SEMA4B: variants seen among roughly 807,000 people sequenced by gnomAD.
The protein encoded by SEMA4B is semaphorin-4B.
Under a neutral mutation model 88.1 loss-of-function variants are expected in SEMA4B, and 55 were observed. The observed-to-expected ratio is 0.62, with a 90% confidence interval of 0.50 to 0.78. The LOEUF (loss-of-function observed/expected upper bound fraction) is 0.78, where lower values mean the gene tolerates loss of function less well. Among genes scored for constraint, SEMA4B ranks in the 30% least tolerant of loss-of-function variants. The probability of loss-of-function intolerance (pLI) is 0.00; values close to 1 mark genes in which losing one functional copy is unlikely to be tolerated. For missense variants in SEMA4B, 1,062 were observed against 1,111.9 expected (o/e 0.96, Z 0.64); for synonymous variants, 525 against 473.6 (o/e 1.11, Z -1.41).
At chr15:90,208,125 G>A (rs189191244) in intron 1 of SEMA4B, among the ~76,000 whole-genome samples, 19 of 152,048 alleles carry the variant, frequency 1.2e-4, no homozygotes, top group Admixed American at 2.6e-4. Flanking sequence ...ATGGTGGCAG[G>A]CACCTGTAAT....
chr15:90,221,553 C>T (rs1291763796), intron 6 of SEMA4B, 61 bp from the exon 7 acceptor site: 2 of 1,607,972 alleles, frequency 1.2e-6, no homozygotes, highest in Non-Finnish European at 1.7e-6. Flanking sequence ...CACTTTCCCC[C>T]AGCTTGGCCT....
At chr15:90,199,410 G>A (rs1355087359), upstream of SEMA4B, among the ~76,000 whole-genome samples, 1 of 152,146 alleles carries the variant, frequency 6.6e-6, no homozygotes, top group African/African-American at 2.4e-5. Context: ...TTTAAAGATG[G>A]AATTGCCATT....
chr15:90,224,024 G>A lies in SEMA4B; in HGVS notation c.1194+36G>A, dbSNP rs762107466. On this transcript the variant is annotated intron_variant, in intron 9 of 13. Coordinates refer to ENST00000411539, the MANE Select transcript of SEMA4B (RefSeq NM_198925.4). ...GCTCCCTGCACCCAGAAGGGGTGCC[G>A]GGAAGATGTGGGTCCCCACACCATG... 6.1e-5 allele frequency: 96 copies of A among 1,580,184 alleles called. No homozygotes were observed. In the Middle Eastern group the frequency reaches 8.5e-4, roughly 14 times the overall value.
intron 1 of SEMA4B, chr15:90,215,046 T>C (rs1305154039): frequency 4.9e-6 from 6 of 1,233,804 alleles, no homozygotes; most frequent in Non-Finnish European, 6.3e-6. Context: ...TGAGACTGTT[T>C]GTGTGGTCAT....
chr15:90,217,991 A>G (rs1961619627), intron 3 of SEMA4B, 162 bp downstream of exon 3: 2 of 608,584 alleles, frequency 3.3e-6, no homozygotes, highest in Non-Finnish European at 5.8e-6. Context: ...CCAGCACTAC[A>G]CTTACATCGC....
In SEMA4B at chr15:90,212,058, C is replaced by T. The variant is rs1180520297; in HGVS notation, c.158-5381C>T. Among the ~76,000 whole-genome samples the T allele has an allele frequency of 6.6e-6, 1 of 152,016 alleles. No homozygotes were observed. The highest frequency in any genetic ancestry group is 1.5e-5 in the Non-Finnish European group (1 of 67,984). On this transcript the variant is annotated intron_variant, in intron 1 of 13. Transcript: ENST00000411539. The surrounding 1 kb of genome is among the most constrained non-coding windows in gnomAD (Gnocchi z 4.0). ...TATTCCTGTCTCACCCCAGAGAGCT[C>T]CAGGCTTCCGGCTGAGTCACAGGGA...
chr15:90,210,871 A>G (rs1961234247), intron 1 of SEMA4B, among the ~76,000 whole-genome samples: 1 of 152,090 alleles, frequency 6.6e-6, no homozygotes, highest in East Asian at 1.9e-4. Context: ...AGAGGCAGAG[A>G]TGGCATGGGG....
chr15:90,186,857 C>T (rs1241723682), intron 1 of SEMA4B, among the ~76,000 whole-genome samples: 2 of 151,986 alleles, frequency 1.3e-5, no homozygotes, highest in African/African-American at 2.4e-5. Flanking sequence ...GGTGTGAACC[C>T]GCGAGGCGGA....
intron 1 of SEMA4B, among the ~76,000 whole-genome samples, chr15:90,187,256 ACT>A (rs1314516905): frequency 6.6e-6 from 1 of 152,214 alleles, no homozygotes; most frequent in Non-Finnish European, 1.5e-5. Context: ...GGGAAATGGG[ACT>A]CTAGTCCTGC....
At position 90,213,072 on chromosome 15, in the gene SEMA4B, C is replaced by T. The variant is rs543250853; in HGVS notation, c.158-4367C>T. Among the ~76,000 whole-genome samples the T allele has an allele frequency of 2.6e-3, 391 of 152,300 alleles. 3 individuals are homozygous for T. Among genetic ancestry groups the T allele is most frequent in the Non-Finnish European group, 2.2e-3 (151 of 68,026 alleles). ...ATGCCACACTGCAAACCATGTGCAA[C>T]GTTGTTTTAGCAAAGCTGTCTCAGT... On this transcript the variant is annotated intron_variant, in intron 1 of 13. Coordinates refer to ENST00000411539, the MANE Select transcript of SEMA4B (RefSeq NM_198925.4).
At position 90,228,620 on chromosome 15, in the gene SEMA4B, G is replaced by A; in HGVS notation, c.2491G>A (p.Glu831Lys). 6.2e-7 allele frequency: 1 copy of A among 1,613,376 alleles called. No homozygotes were observed. Among genetic ancestry groups the A allele is most frequent in the Non-Finnish European group, 8.5e-7 (1 of 1,179,876 alleles). Reference sequence around the variant, plus strand: ...CCGGCCCCGGGTCCGCCTTGGCTCGGAGATCCGTGACTCTGTGGTGTGAGA... The same window carrying A: ...CCGGCCCCGGGTCCGCCTTGGCTCGAAGATCCGTGACTCTGTGGTGTGAGA... The part of the protein sequence containing the change: ...CPRPRVRLGS[E>K]IRDSVV Residue 831 changes from glutamate to lysine, a missense_variant, in exon 14 of 14, where the codon GAG becomes AAG. Coordinates refer to ENST00000411539, the MANE Select transcript of SEMA4B (RefSeq NM_198925.4).
At chr15:90,226,299 T>A (rs1962169479) in intron 12 of SEMA4B, among the ~76,000 whole-genome samples, 2 of 152,244 alleles carry the variant, frequency 1.3e-5, no homozygotes, top group Non-Finnish European at 2.9e-5. Flanking sequence ...CAGGTTTTAC[T>A]ACATATGTGT....
chr15:90,224,977 A>G lies in SEMA4B; in HGVS notation c.1204A>G (p.Asn402Asp). The change falls in exon 10 of 14, where the codon AAC becomes GAC. Residue 402 changes from asparagine to aspartate, a missense_variant. Transcript: ENST00000411539. ...CTGCTTTCTCCTCCAGTGCATCACC[A>G]ACAGTGCCCGGGAAAGGAAGATCAA... is the stretch of plus-strand genomic sequence containing the variant. ...PTPRPGACIT[N>D]SARERKINSS... is the part of the protein sequence containing the mutation. The G allele has an allele frequency of 6.2e-7, 1 of 1,613,846 alleles. No individual in the cohort carries two copies. The highest frequency in any genetic ancestry group is 1.3e-5 in the African/African-American group (1 of 75,010).
At position 90,212,267 on chromosome 15, in the gene SEMA4B, C is replaced by G. The variant is rs1443457864; in HGVS notation, c.158-5172C>G. Reference sequence around the variant, plus strand: ...GGGACAGGGCAGCCCCAGACCAGCCCCGGTCTGCCTTTTTGAAGGATGATC... The same window carrying G: ...GGGACAGGGCAGCCCCAGACCAGCCGCGGTCTGCCTTTTTGAAGGATGATC... On this transcript the variant is annotated intron_variant, in intron 1 of 13. Coordinates refer to ENST00000411539, the MANE Select transcript of SEMA4B (RefSeq NM_198925.4). The surrounding 1 kb of genome is among the most constrained non-coding windows in gnomAD (Gnocchi z 4.0). 6.6e-6 allele frequency among the ~76,000 whole-genome samples: 1 copy of G among 152,148 alleles called. No individual in the cohort carries two copies. Among genetic ancestry groups the G allele is most frequent in the Admixed American group, 6.5e-5 (1 of 15,278 alleles).
In SEMA4B at chr15:90,201,649, C is replaced by A; in HGVS notation, c.71C>A (p.Pro24Gln). 6.6e-7 allele frequency: 1 copy of A among 1,517,434 alleles called. No homozygotes were observed. Among genetic ancestry groups the A allele is most frequent in the South Asian group, 1.2e-5 (1 of 82,410 alleles). 94.0% of individuals were successfully genotyped at this position (1,517,434 alleles called of 1,614,324 possible). Residue 24 changes from proline (P) to glutamine (Q), a missense_variant, in exon 1 of 14, where the codon CCG becomes CAG. By Grantham distance (76) the Pro-to-Gln change is moderately conservative (BLOSUM62 -1). Coordinates refer to ENST00000411539, the MANE Select transcript of SEMA4B (RefSeq NM_198925.4). ...TGGGGCGCGCTGCCGCCTCGGCCAC[C>A]GCTGCTGCTGCTCCTGCTGCTGCTG... ...APWGALPPRPPLLLLLLLLLL... is the reference protein window; with the variant it reads ...APWGALPPRPQLLLLLLLLLL...
In SEMA4B at chr15:90,201,748, G is replaced by C. The variant is rs1323922426; in HGVS notation, c.157+13G>C. On this transcript the variant is annotated intron_variant, in intron 1 of 13. Transcript: ENST00000411539. ...AGCCTGCCTCTGGGTGAGTGCCGGG[G>C]ACCCGGGGACGCGGGCCGGGGGAAG... is the stretch of plus-strand genomic sequence containing the variant. The C allele has an allele frequency of 7.2e-7, 1 of 1,394,950 alleles. No homozygotes were observed. Among genetic ancestry groups the C allele is most frequent in the Admixed American group, 3.2e-5 (1 of 31,090 alleles). 86.4% of individuals were successfully genotyped at this position (1,394,950 alleles called of 1,614,324 possible).
Position 90,216,901 on chromosome 15 carries a change from A to G in SEMA4B, c.158-538A>G, listed in dbSNP as rs1961557500. On this transcript the variant is annotated intron_variant, in intron 1 of 13. Coordinates refer to ENST00000411539, the MANE Select transcript of SEMA4B (RefSeq NM_198925.4). The stretch of plus-strand genomic sequence containing the variant: ...GCATTACTCTGTCAATGCAAATAGC[A>G]TTCACTGCAGGGCCCACTTAACATT... Among the ~76,000 whole-genome samples the G allele has an allele frequency of 2.6e-5, 4 of 152,332 alleles. No homozygotes were observed. In the South Asian group the frequency reaches 8.3e-4, roughly 32 times the overall value.
chr15:90,227,686 G>A (rs1459730614), intron 13 of SEMA4B, 44 bp downstream of exon 13: 1 of 1,600,522 alleles, frequency 6.2e-7, no homozygotes, highest in Non-Finnish European at 8.6e-7. Flanking sequence ...GTGGGGACAA[G>A]TGTGCTTGGA....
chr15:90,220,230 G>T (rs1961743416), intron 4 of SEMA4B: 1 of 244,644 alleles, frequency 4.1e-6, no homozygotes, highest in East Asian at 9.5e-5. Context: ...CCCCTCCTCA[G>T]CACACACCCC....
Sources: gnomAD v4.1 joint callset for allele counts (sites outside exome capture counted in the v4.1 genomes callset) on GRCh38, gnomAD v4.1.1 for gene constraint, Gnocchi (gnomAD v3.1) non-coding constraint, MANE v1.5 for transcripts, NCBI Gene and HGNC (gene_info 2026-07-23, HGNC 2026-07-21) for gene names.